KPNA6: variants seen among roughly 807,000 people sequenced by gnomAD.
The protein encoded by KPNA6 is karyopherin subunit alpha 6, also known as importin subunit alpha-7.
Under a neutral mutation model 72.0 loss-of-function variants are expected in KPNA6, and 9 were observed. The ratio of observed to expected loss-of-function variants is 0.13; its 90% CI spans 0.08 to 0.22. The LOEUF is 0.22. Among genes scored for constraint, KPNA6 ranks in the 10% least tolerant of loss-of-function variants. The pLI, the probability that KPNA6 is intolerant of heterozygous loss-of-function variation, is 1.00. For missense variants in KPNA6, 374 were observed against 655.7 expected, an observed-to-expected ratio of 0.57 and a Z score of 4.69; for synonymous variants, 219 against 242.1, an observed-to-expected ratio of 0.90 and a Z score of 0.89.
chr1:32,112,602 C>T (rs1382821360), intron 1 of KPNA6, among the ~76,000 whole-genome samples: 1 of 152,124 alleles, frequency 6.6e-6, no homozygotes, highest in Non-Finnish European at 1.5e-5. Context: ...AAACCATTCT[C>T]CTGCCTCAGC....
intron 1 of KPNA6, among the ~76,000 whole-genome samples, chr1:32,124,060 T>C (rs1016111895): frequency 1.1e-4 from 15 of 131,020 alleles, no homozygotes; most frequent in African/African-American, 4.4e-4. Flanking sequence ...AAAAAAGGAA[T>C]GACTAAACAA....
At chr1:32,131,994 G>A (rs527624219) in intron 1 of KPNA6, among the ~76,000 whole-genome samples, 19 of 148,674 alleles carry the variant, frequency 1.3e-4, no homozygotes, top group African/African-American at 2.7e-4. Flanking sequence ...TTTTTGAGAC[G>A]GAGTCTTGCT....
chr1:32,161,865 T>C (rs113646824), intron 7 of KPNA6, 82 bp from the exon 8 acceptor site: 6 of 1,007,736 alleles, frequency 6.0e-6, no homozygotes, highest in Non-Finnish European at 6.2e-6. Flanking sequence ...AGAGGTCTCA[T>C]TGGATTTGTC....
At chr1:32,148,236 C>T (rs989499540) in intron 1 of KPNA6, among the ~76,000 whole-genome samples, 9 of 152,134 alleles carry the variant, frequency 5.9e-5, no homozygotes, top group Admixed American at 3.9e-4. Flanking sequence ...CCCCCACTTG[C>T]TGGGATTACA....
At chr1:32,159,815 G>GA (rs1642204491) in intron 6 of KPNA6, among the ~76,000 whole-genome samples, 1 of 152,034 alleles carries the variant, frequency 6.6e-6, no homozygotes, top group Non-Finnish European at 1.5e-5. Context: ...GGTTGATGTG[G>GA]AAAAAACTCT....
intron 1 of KPNA6, among the ~76,000 whole-genome samples, chr1:32,142,271 AAAAAAAAAAAGTTGTCAGAAGG>A: frequency 6.6e-6 from 1 of 151,632 alleles, no homozygotes; most frequent in Non-Finnish European, 1.5e-5. Context: ...AAAAAAAAAA[AAAAAAAAAAAGTTGTCAGAAGG>A]GTTGTTTTAT....
chr1:32,130,246 T>TTA (rs1641613744), intron 1 of KPNA6, among the ~76,000 whole-genome samples: 2 of 115,116 alleles, frequency 1.7e-5, no homozygotes, highest in East Asian at 4.3e-4. Flanking sequence ...TTTTTTTTTT[T>TTA]ACCATGGCCA....
intron 13 of KPNA6, 48 bp from the exon 14 acceptor site, chr1:32,170,659 C>A: frequency 6.6e-7 from 1 of 1,520,338 alleles, no homozygotes; most frequent in Non-Finnish European, 9.1e-7. Context: ...TTCACCTGCC[C>A]ATAGAAAAGC....
At chr1:32,146,574 A>G (rs912405873) in intron 1 of KPNA6, among the ~76,000 whole-genome samples, 6 of 152,230 alleles carry the variant, frequency 3.9e-5, no homozygotes, top group Non-Finnish European at 7.3e-5. Context: ...AGCTTAATTC[A>G]GAAGCATACA....
intron 5 of KPNA6, among the ~76,000 whole-genome samples, chr1:32,158,881 C>G (rs1195471250): frequency 6.6e-6 from 1 of 152,192 alleles, no homozygotes; most frequent in Non-Finnish European, 1.5e-5. Flanking sequence ...ATAGACTGAT[C>G]ATTCAGTTAT....
At chr1:32,169,828 A>T in intron 12 of KPNA6, 54 bp from the exon 13 acceptor site, 1 of 1,512,396 alleles carries the variant, frequency 6.6e-7, no homozygotes, top group Middle Eastern at 1.9e-4. Context: ...GCACCTGCCC[A>T]GCACTTCATG....
intron 1 of KPNA6, among the ~76,000 whole-genome samples, chr1:32,137,226 G>T (rs1449543713): frequency 6.6e-6 from 1 of 152,070 alleles, no homozygotes; most frequent in Non-Finnish European, 1.5e-5. Context: ...ACCCAAGCTG[G>T]AGCACTGTGA....
At position 32,170,976 on chromosome 1, in the gene KPNA6, G is replaced by A. The variant is rs757561871; in HGVS notation, c.*82G>A. On this transcript the variant is annotated 3_prime_UTR_variant, in exon 14 of 14. Transcript: ENST00000373625. ...GCCCTCTGGTGGGCGGGAAACCAGTGTCCCCACCATCAGCCACCACACACC... is the reference window on the plus strand; with the variant it reads ...GCCCTCTGGTGGGCGGGAAACCAGTATCCCCACCATCAGCCACCACACACC... The A allele has an allele frequency of 8.7e-6, 11 of 1,266,678 alleles. No individual in the cohort carries two copies. Among genetic ancestry groups the A allele is most frequent in the Non-Finnish European group, 1.1e-5 (10 of 882,590 alleles). 78.5% of individuals were successfully genotyped at this position (1,266,678 alleles called of 1,614,324 possible). A position where few individuals can be genotyped will look rare whatever the true frequency, so the allele number is the denominator to read the frequency against.
At chr1:32,118,997 C>CACATATATATAT (rs1317948681) in intron 1 of KPNA6, among the ~76,000 whole-genome samples, 11 of 59,826 alleles carry the variant, frequency 1.8e-4, no homozygotes, top group Non-Finnish European at 2.9e-4. Flanking sequence ...TGTGTGTATA[C>CACATATATATAT]ATATATATAT....
chr1:32,135,728 G>A lies in KPNA6; in HGVS notation c.5-18860G>A, dbSNP rs1172634123. 5.4e-5 allele frequency among the ~76,000 whole-genome samples: 8 copies of A among 149,466 alleles called. No homozygotes were observed. In the South Asian group the frequency reaches 1.3e-3, roughly 24 times the overall value. ...AGTGATCTGACTGCCTCAGCCTCCC[G>A]AAGTGCTGGAATTACAGGCATTAGC... On this transcript the variant is annotated intron_variant, in intron 1 of 13. Transcript: ENST00000373625.
At chr1:32,150,817 AG>A (rs1642018467) in intron 1 of KPNA6, among the ~76,000 whole-genome samples, 1 of 151,984 alleles carries the variant, frequency 6.6e-6, no homozygotes, top group Non-Finnish European at 1.5e-5. Flanking sequence ...AGTAGAAACG[AG>A]GTTTCACCAT....
At chr1:32,120,796 G>A (rs905306657) in intron 1 of KPNA6, among the ~76,000 whole-genome samples, 1 of 151,646 alleles carries the variant, frequency 6.6e-6, no homozygotes, top group African/African-American at 2.4e-5. Context: ...TTGAACACCT[G>A]ACCTCAGGTG....
intron 7 of KPNA6, 128 bp from the exon 8 acceptor site, chr1:32,161,819 G>A: frequency 1.5e-6 from 1 of 688,272 alleles, no homozygotes; most frequent in South Asian, 1.8e-5. Flanking sequence ...ATTAACTTAG[G>A]TCTGTGAGTA....
intron 1 of KPNA6, among the ~76,000 whole-genome samples, chr1:32,153,279 G>C (rs1642070491): frequency 6.6e-6 from 1 of 151,748 alleles, no homozygotes; most frequent in Non-Finnish European, 1.5e-5. Context: ...AAAAGAACGT[G>C]AACAGGCCAG....
Sources: allele counts gnomAD v4.1 joint callset (sites outside exome capture counted in the v4.1 genomes callset), GRCh38; gene constraint gnomAD v4.1.1; transcripts MANE v1.5; gene names NCBI Gene and HGNC (gene_info 2026-07-23, HGNC 2026-07-21).